The following PEAK1 variants were observed in gnomAD, a reference collection of about 807,000 sequenced individuals.
PEAK1 encodes pseudopodium enriched atypical kinase 1, also known as inactive tyrosine-protein kinase PEAK1.
Under a neutral mutation model 124.7 loss-of-function variants are expected in PEAK1, and 54 were observed. The observed-to-expected ratio is 0.43, with a 90% CI of 0.35 to 0.54. The LOEUF (loss-of-function observed/expected upper bound fraction) is 0.54. Ranked by LOEUF, PEAK1 falls within the 20% of genes least tolerant of loss-of-function variation. The pLI is 0.01. For synonymous variants in PEAK1, 719 were observed against 760.0 expected (o/e 0.95, Z 0.89); for missense variants, 2,046 against 2,134.5 (o/e 0.96, Z 0.82).
chr15:77,339,788 T>C (rs2066422674), intron 2 of PEAK1, among the ~76,000 whole-genome samples: 1 of 152,150 alleles, frequency 6.6e-6, no homozygotes, highest in Admixed American at 6.5e-5. Context: ...TACATAGAAC[T>C]CAAACTCCAC....
intron 6 of PEAK1, among the ~76,000 whole-genome samples, chr15:77,218,171 G>A (rs1021128298): frequency 6.6e-6 from 1 of 152,068 alleles, no homozygotes; most frequent in Non-Finnish European, 1.5e-5. Context: ...GGACATCCTT[G>A]CCTTGTTCCT....
At chr15:77,130,844 C>T (rs1290228279) in intron 9 of PEAK1, among the ~76,000 whole-genome samples, 1 of 152,116 alleles carries the variant, frequency 6.6e-6, no homozygotes, top group Non-Finnish European at 1.5e-5. Context: ...CTTAAAGTAA[C>T]CTAGGGAAGA....
At chr15:77,224,124 T>C (rs2059521415) in intron 6 of PEAK1, among the ~76,000 whole-genome samples, 1 of 151,704 alleles carries the variant, frequency 6.6e-6, no homozygotes, top group African/African-American at 2.4e-5. Context: ...GTTTACAAAA[T>C]AAGTAGTAGT....
At chr15:77,322,997 G>A (rs1276770340) in intron 2 of PEAK1, among the ~76,000 whole-genome samples, 12 of 152,082 alleles carry the variant, frequency 7.9e-5, no homozygotes, top group African/African-American at 1.4e-4. Context: ...ATCAATAAAC[G>A]TAATCCAGCA....
intron 5 of PEAK1, among the ~76,000 whole-genome samples, chr15:77,270,963 C>T (rs1420959669): frequency 6.6e-6 from 1 of 152,014 alleles, no homozygotes; most frequent in Non-Finnish European, 1.5e-5. Context: ...TTCCGCACGG[C>T]AAAAGAAACT....
At chr15:77,209,560 A>G (rs1278479021) in intron 6 of PEAK1, among the ~76,000 whole-genome samples, 1 of 152,200 alleles carries the variant, frequency 6.6e-6, no homozygotes, top group African/African-American at 2.4e-5. Flanking sequence ...TCTGGACTTA[A>G]AAGATCCCTT....
At chr15:77,352,468 A>G (rs941862395) in intron 2 of PEAK1, 4 of 985,288 alleles carry the variant, frequency 4.1e-6, no homozygotes, top group African/African-American at 1.7e-5. Context: ...ACAGCTGTTG[A>G]GAGGAAATGG....
intron 6 of PEAK1, among the ~76,000 whole-genome samples, chr15:77,230,631 C>T (rs995269787): frequency 2.0e-5 from 3 of 152,030 alleles, no homozygotes; most frequent in Non-Finnish European, 4.4e-5. Flanking sequence ...GGCACAGTGG[C>T]TCATACCTGT....
At position 77,330,912 on chromosome 15, in the gene PEAK1, G is replaced by C. The variant is rs559716300; in HGVS notation, c.-603+34251C>G. On this transcript the variant is annotated intron_variant, in intron 2 of 9. Coordinates refer to ENST00000682557, the MANE Select transcript of PEAK1 (RefSeq NM_001385026.1). ...CTGTTTTGTTTTTTCCTCACTCAGTGCTCTATCTCTTGGTTCCAAAACAAT... is the reference window on the plus strand; with the variant it reads ...CTGTTTTGTTTTTTCCTCACTCAGTCCTCTATCTCTTGGTTCCAAAACAAT... The C allele has an allele frequency of 1.5e-5, 8 of 519,742 alleles. No homozygotes were observed. In the South Asian group the frequency reaches 5.9e-4, roughly 38 times the overall value. 32.2% of individuals were successfully genotyped at this position (519,742 alleles called of 1,614,324 possible).
chr15:77,313,708 A>ATGTATGTATG (rs1402548917), intron 2 of PEAK1, among the ~76,000 whole-genome samples: 5 of 93,754 alleles, frequency 5.3e-5, no homozygotes, highest in African/African-American at 1.7e-4. Flanking sequence ...ATATATATGT[A>ATGTATGTATG]TGTGTGTGTG....
chr15:77,227,525 A>G (rs2059731788), intron 6 of PEAK1, among the ~76,000 whole-genome samples: 1 of 152,196 alleles, frequency 6.6e-6, no homozygotes, highest in South Asian at 2.1e-4. Flanking sequence ...AAATATACAG[A>G]AAACAACAAT....
At chr15:77,266,156 G>A (rs1567187999) in intron 5 of PEAK1, among the ~76,000 whole-genome samples, 1 of 152,064 alleles carries the variant, frequency 6.6e-6, no homozygotes, top group Non-Finnish European at 1.5e-5. Context: ...AACGCTAGAT[G>A]ACAAGTTAGT....
At chr15:77,308,641 T>C (rs2064244750) in intron 2 of PEAK1, among the ~76,000 whole-genome samples, 1 of 152,088 alleles carries the variant, frequency 6.6e-6, no homozygotes, top group South Asian at 2.1e-4. Context: ...ACAGTAATAA[T>C]ATTTATGACA....
intron 9 of PEAK1, among the ~76,000 whole-genome samples, chr15:77,127,718 A>G (rs887430568): frequency 1.3e-5 from 2 of 152,200 alleles, no homozygotes; most frequent in African/African-American, 2.4e-5. Context: ...ACGAACTGAA[A>G]AAGGAATTGT....
chr15:77,315,769 A>G (rs1264502519), intron 2 of PEAK1, among the ~76,000 whole-genome samples: 1 of 151,982 alleles, frequency 6.6e-6, no homozygotes, highest in African/African-American at 2.4e-5. Context: ...CCTCACCAGT[A>G]CTCCTCTAAA....
intron 5 of PEAK1, among the ~76,000 whole-genome samples, chr15:77,271,419 T>TC: frequency 6.6e-6 from 1 of 152,260 alleles, no homozygotes; most frequent in Admixed American, 6.5e-5. Context: ...GACCCAGCCA[T>TC]CCATTACTGG....
At chr15:77,333,145 T>C (rs2065995081) in intron 2 of PEAK1, 4 of 873,584 alleles carry the variant, frequency 4.6e-6, no homozygotes, top group Non-Finnish European at 4.1e-6. Flanking sequence ...TAAAACACTT[T>C]ATTTATTTAT....
At position 77,283,970 on chromosome 15, in the gene PEAK1, A is replaced by C. The variant is rs1326591886; in HGVS notation, c.-362T>G. 1.0e-6 allele frequency: 1 copy of C among 983,466 alleles called. No individual in the cohort carries two copies. The highest frequency in any genetic ancestry group is 1.1e-4 in the East Asian group (1 of 8,824). The allele number at this position is 983,466 out of a possible 1,614,324, so 60.9% of individuals were successfully genotyped here. On this transcript the variant is annotated 5_prime_UTR_variant, in exon 5 of 10. In the 5' UTR this introduces an upstream ATG that the reference lacks. Coordinates refer to ENST00000682557, the MANE Select transcript of PEAK1 (RefSeq NM_001385026.1). ...TTTCTCCTTCTTGGATTTTTTCATA[A>C]ATCATTGAATTCTCACTTTCTCACA...
At chr15:77,231,321 C>T (rs1004372176) in intron 6 of PEAK1, among the ~76,000 whole-genome samples, 1 of 152,158 alleles carries the variant, frequency 6.6e-6, no homozygotes, top group African/African-American at 2.4e-5. Flanking sequence ...GAAATAAATG[C>T]TACATATAAG....
Sources: allele counts gnomAD v4.1 joint callset (sites outside exome capture counted in the v4.1 genomes callset), GRCh38; gene constraint gnomAD v4.1.1; transcripts MANE v1.5; gene names NCBI Gene and HGNC (gene_info 2026-07-23, HGNC 2026-07-21).